The following RAD18 variants were observed in gnomAD, a reference collection of about 807,000 sequenced individuals.
RAD18 encodes the protein E3 ubiquitin-protein ligase RAD18.
RAD18 carries 47 observed loss-of-function variants against 60.4 expected under a neutral mutation model. That is an observed-to-expected ratio of 0.78 (90% CI 0.62 to 0.99). The LOEUF is 0.99. Ranked by LOEUF, RAD18 falls within the 50% of genes least tolerant of loss-of-function variation. The probability of loss-of-function intolerance (pLI) is 0.00; values close to 1 mark genes in which losing one functional copy is unlikely to be tolerated. For synonymous variants in RAD18, 225 were observed against 195.5 expected (o/e 1.15, Z -1.26); for missense variants, 640 against 593.3 (o/e 1.08, Z -0.82).
chr3:8,887,058 G>A (rs1037069371), intron 12 of RAD18, among the ~76,000 whole-genome samples: 13 of 152,234 alleles, frequency 8.5e-5, no homozygotes, highest in Admixed American at 8.5e-4. Context: ...AAGCTGGAAA[G>A]TAAAGGGCCT....
At chr3:8,900,470 A>G (rs1333265980) in intron 10 of RAD18, among the ~76,000 whole-genome samples, 1 of 152,216 alleles carries the variant, frequency 6.6e-6, no homozygotes, top group Non-Finnish European at 1.5e-5. Flanking sequence ...CCACTCTTAC[A>G]TACACTTCTA....
At position 8,941,719 on chromosome 3, in the gene RAD18, T is replaced by C. The variant is rs139615544; in HGVS notation, c.352A>G (p.Thr118Ala). ...AAAGACTGTCTGGAGGCTACAGGAG[T>C]ATATACTTTGACAGCAAGATTCTTT... Reference protein sequence around the residue: ...SSKNLAVKVYTPVASRQSLKQ... With the variant: ...SSKNLAVKVYAPVASRQSLKQ... Residue 118 changes from threonine (T) to alanine (A), a missense_variant, in exon 5 of 13, where the codon ACT becomes GCT. Transcript: ENST00000264926. 8.6e-5 allele frequency: 139 copies of C among 1,613,916 alleles called. 1 individual carries two copies. The highest frequency in any genetic ancestry group is 1.2e-4 in the African/African-American group (9 of 74,868).
chr3:8,962,631 T>C (rs1462001724), intron 1 of RAD18, among the ~76,000 whole-genome samples: 4 of 152,216 alleles, frequency 2.6e-5, no homozygotes, highest in African/African-American at 9.7e-5. Context: ...GCAAAGTGCA[T>C]CTGCTCTTGA....
intron 9 of RAD18, among the ~76,000 whole-genome samples, chr3:8,909,591 G>A (rs971438191): frequency 6.6e-6 from 1 of 152,012 alleles, no homozygotes; most frequent in African/African-American, 2.4e-5. Flanking sequence ...GTGATGGAAA[G>A]TAGAAAACAG....
chr3:8,947,246 T>A lies in RAD18; in HGVS notation c.240A>T (p.Glu80Asp). 6.2e-7 allele frequency: 1 copy of A among 1,611,420 alleles called. No homozygotes were observed. The highest frequency in any genetic ancestry group is 8.5e-7 in the Non-Finnish European group (1 of 1,177,880). Residue 80 changes from glutamate (E) to aspartate (D), a missense_variant, in exon 4 of 13, where the codon GAA becomes GAT. Transcript: ENST00000264926. Reference sequence around the variant, plus strand: ...GTGCAAAATTCAAGCTTTTTACCAGTTCATCTAATATGCGGTTATTTTTCA... The same window carrying A: ...GTGCAAAATTCAAGCTTTTTACCAGATCATCTAATATGCGGTTATTTTTCA... ...PDLKNNRILD[E>D]LVKSLNFARN...
Position 8,879,915 on chromosome 3 carries a change from T to C in RAD18, c.*1442A>G, listed in dbSNP as rs1487593915. 1 of 152,248 alleles carries C rather than the reference T, an allele frequency of 6.6e-6. No homozygotes were observed. Among genetic ancestry groups the C allele is most frequent in the Non-Finnish European group, 1.5e-5 (1 of 68,050 alleles). The allele number at this position is 152,248 out of a possible 1,614,324, so 9.4% of individuals were successfully genotyped here. On this transcript the variant is annotated 3_prime_UTR_variant, in exon 13 of 13. Coordinates refer to ENST00000264926, the MANE Select transcript of RAD18 (RefSeq NM_020165.4). ...AGTTTAATTTATAGACTATATAATTTGTCATGAAACAAACAGTTTTCATTT... is the reference window on the plus strand; with the variant it reads ...AGTTTAATTTATAGACTATATAATTCGTCATGAAACAAACAGTTTTCATTT...
chr3:8,907,495 C>A (rs766699356), intron 9 of RAD18, among the ~76,000 whole-genome samples: 12 of 152,128 alleles, frequency 7.9e-5, no homozygotes, highest in African/African-American at 1.2e-4. Flanking sequence ...AAACAGCTGA[C>A]CCCATCTCAC....
At chr3:8,902,585 A>T (rs1177187841) in intron 9 of RAD18, 65 bp from the exon 10 acceptor site, 1 of 1,462,324 alleles carries the variant, frequency 6.8e-7, no homozygotes, top group Non-Finnish European at 9.2e-7. Context: ...ACAACTGACA[A>T]ACTGAATATC....
intron 7 of RAD18, among the ~76,000 whole-genome samples, chr3:8,920,547 G>C (rs184337228): frequency 6.6e-6 from 1 of 152,148 alleles, no homozygotes; most frequent in Non-Finnish European, 1.5e-5. Context: ...GCAAGGCAGC[G>C]GATGTAAAGT....
intron 2 of RAD18, among the ~76,000 whole-genome samples, chr3:8,956,394 A>G (rs543053901): frequency 1.3e-5 from 2 of 152,330 alleles, no homozygotes; most frequent in Non-Finnish European, 2.9e-5. Context: ...TGTAACATCA[A>G]CACACTTGAC....
intron 7 of RAD18, among the ~76,000 whole-genome samples, chr3:8,935,418 CTG>C (rs1269800933): frequency 6.6e-6 from 1 of 152,210 alleles, no homozygotes; most frequent in African/African-American, 2.4e-5. Context: ...TGCTAAGGTA[CTG>C]TGTTAGGCAC....
intron 9 of RAD18, among the ~76,000 whole-genome samples, chr3:8,907,039 AGATCACTGGGT>A (rs1940019896): frequency 6.6e-6 from 1 of 152,226 alleles, no homozygotes; most frequent in South Asian, 2.1e-4. Context: ...AACTCTCTGC[AGATCACTGGGT>A]TTCTCCTTCC....
At chr3:8,916,963 C>A (rs558065457) in intron 7 of RAD18, among the ~76,000 whole-genome samples, 10 of 151,966 alleles carry the variant, frequency 6.6e-5, no homozygotes, top group Non-Finnish European at 1.3e-4. Flanking sequence ...AAGAAAGACA[C>A]CAAACCACAA....
rs250402 is a variant in RAD18 at position 8,878,523 on chromosome 3, T to C, written c.*2834A>G. ...CTAAGAAGTTTGAAATCCATTGTTT[T>C]TGGGTTTTTTTCCAGAAACAGTTCT... On this transcript the variant is annotated 3_prime_UTR_variant, in exon 13 of 13. Transcript: ENST00000264926. The C allele has an allele frequency of 1, 152,306 of 152,306 alleles. 76,153 individuals are homozygous for C. Among genetic ancestry groups the C allele is most frequent in the Non-Finnish European group, 1 (68,040 of 68,040 alleles). The allele number at this position is 152,306 out of a possible 1,614,324, so 9.4% of individuals were successfully genotyped here. A position where few individuals can be genotyped will look rare whatever the true frequency, so the allele number is the denominator to read the frequency against.
At chr3:8,933,826 C>T (rs1415566611) in intron 7 of RAD18, among the ~76,000 whole-genome samples, 6 of 152,056 alleles carry the variant, frequency 3.9e-5, no homozygotes, top group Non-Finnish European at 8.8e-5. Context: ...TACAAAAGGC[C>T]TAGAAAAAAC....
intron 11 of RAD18, among the ~76,000 whole-genome samples, chr3:8,895,444 GA>G (rs770337771): frequency 3.9e-5 from 6 of 152,150 alleles, no homozygotes; most frequent in Non-Finnish European, 7.3e-5. Flanking sequence ...AATTTGACCA[GA>G]AACATAAACA....
chr3:8,881,655 A>G (rs1939464581), intron 12 of RAD18, among the ~76,000 whole-genome samples, 196 bp from the exon 13 acceptor site: 3 of 152,216 alleles, frequency 2.0e-5, no homozygotes, highest in Admixed American at 2.0e-4. Flanking sequence ...CACAGATAGT[A>G]AATGAGCTCT....
At position 8,936,009 on chromosome 3, in the gene RAD18, G is replaced by A; in HGVS notation, c.751C>T (p.Leu251Phe). ...KPLPKTVYNL[L>F]SDRDLKKKLK... ...TTTTTCTTTAAATCACGATCAGAGA[G>A]CAAATTATATACAGTTTTGGGCAGC... Residue 251 changes from leucine to phenylalanine, a missense_variant, in exon 7 of 13, where the codon CTC (leucine) becomes TTC (phenylalanine). By Grantham distance (22) the Leu-to-Phe change is conservative. Transcript: ENST00000264926. The A allele has an allele frequency of 6.2e-7, 1 of 1,609,594 alleles. No homozygotes were observed.
chr3:8,908,810 G>A (rs1241691999), intron 9 of RAD18, among the ~76,000 whole-genome samples: 2 of 152,092 alleles, frequency 1.3e-5, no homozygotes, highest in Non-Finnish European at 2.9e-5. Context: ...TAAAATACTA[G>A]AAAGATATAA....
Sources: allele counts gnomAD v4.1 joint callset (sites outside exome capture counted in the v4.1 genomes callset), GRCh38; gene constraint gnomAD v4.1.1; transcripts MANE v1.5; gene names NCBI Gene and HGNC (gene_info 2026-07-23, HGNC 2026-07-21).